TMEFF2: variants seen among roughly 807,000 people sequenced by gnomAD.
The protein encoded by TMEFF2 is transmembrane protein with EGF like and two follistatin like domains 2, also known as tomoregulin-2.
In TMEFF2, 28 loss-of-function variants were observed where a neutral mutation model predicts 53.8. That is an observed-to-expected ratio of 0.52 (90% CI 0.39 to 0.71). TMEFF2 has a LOEUF of 0.71. Among genes scored for constraint, TMEFF2 ranks in the 30% least tolerant of loss-of-function variants. The pLI, the probability that TMEFF2 is intolerant of heterozygous loss-of-function variation, is 0.00. For missense variants in TMEFF2, 353 were observed against 455.2 expected (o/e 0.78, Z 2.04); for synonymous variants, 162 against 166.3 (o/e 0.97, Z 0.20).
intron 4 of TMEFF2, among the ~76,000 whole-genome samples, chr2:192,139,285 A>G (rs1271706094): frequency 6.6e-6 from 1 of 152,244 alleles, no homozygotes; most frequent in Non-Finnish European, 1.5e-5. Flanking sequence ...AGTGATGAAT[A>G]TAATCATCGC....
At chr2:192,045,727 A>G (rs1559100962) in intron 5 of TMEFF2, among the ~76,000 whole-genome samples, 4 of 152,122 alleles carry the variant, frequency 2.6e-5, no homozygotes. Context: ...AGCAGAAACC[A>G]ACACCGAGTC....
chr2:191,950,225 G>A lies in TMEFF2; in HGVS notation c.*86C>T. 2 of 1,580,140 alleles carry A rather than the reference G, an allele frequency of 1.3e-6. No individual in the cohort carries two copies. The highest frequency in any genetic ancestry group is 1.7e-6 in the Non-Finnish European group (2 of 1,163,682). On this transcript the variant is annotated 3_prime_UTR_variant, in exon 10 of 10. Transcript: ENST00000272771. Reference sequence around the variant, plus strand: ...CCACAAATGCAAGGCAACATGTGTAGATCTCTTGTCTTATTCTTTTGTCTA... The same window carrying A: ...CCACAAATGCAAGGCAACATGTGTAAATCTCTTGTCTTATTCTTTTGTCTA...
chr2:192,088,175 G>C (rs929494019), intron 4 of TMEFF2, among the ~76,000 whole-genome samples: 7 of 146,704 alleles, frequency 4.8e-5, no homozygotes, highest in African/African-American at 1.7e-4. Context: ...TTTACCATAA[G>C]CTCATATCAA....
intron 5 of TMEFF2, among the ~76,000 whole-genome samples, chr2:192,028,398 C>T (rs963759186): frequency 3.9e-5 from 6 of 152,022 alleles, no homozygotes; most frequent in African/African-American, 1.4e-4. Context: ...TTTGTTCAAA[C>T]CAGAGCTTGT....
chr2:192,100,064 T>C (rs1689000409), intron 4 of TMEFF2, among the ~76,000 whole-genome samples: 1 of 152,176 alleles, frequency 6.6e-6, no homozygotes, highest in Non-Finnish European at 1.5e-5. Flanking sequence ...AAAATAGCCA[T>C]AAAAATAATT....
intron 8 of TMEFF2, among the ~76,000 whole-genome samples, chr2:191,955,539 T>TTTTTTTTTTTC (rs1692052495): frequency 7.3e-6 from 1 of 137,484 alleles, no homozygotes; most frequent in Non-Finnish European, 1.6e-5. Context: ...TTTTTTTTTT[T>TTTTTTTTTTTC]TTTTTTTTTA....
intron 4 of TMEFF2, among the ~76,000 whole-genome samples, chr2:192,176,550 C>T (rs919093299): frequency 6.6e-6 from 1 of 151,190 alleles, no homozygotes; most frequent in Non-Finnish European, 1.5e-5. Flanking sequence ...GTTGGAAGCA[C>T]AGTAAATGTG....
chr2:192,077,231 A>C (rs771867216), intron 4 of TMEFF2, among the ~76,000 whole-genome samples: 2 of 152,198 alleles, frequency 1.3e-5, no homozygotes, highest in African/African-American at 2.4e-5. Flanking sequence ...AGCTAATTCA[A>C]ACCCTTAAGG....
intron 4 of TMEFF2, among the ~76,000 whole-genome samples, chr2:192,174,880 G>C (rs558937647): frequency 1.3e-3 from 196 of 151,792 alleles, no homozygotes; most frequent in Non-Finnish European, 2.0e-3. Context: ...TGGAGAAGTG[G>C]AAAAGGTATG....
intron 2 of TMEFF2, among the ~76,000 whole-genome samples, chr2:192,190,534 C>G (rs1378092421): frequency 6.6e-6 from 1 of 152,050 alleles, no homozygotes; most frequent in Non-Finnish European, 1.5e-5. Flanking sequence ...TGGCTGCAGA[C>G]CTTAGAAGTT....
chr2:192,083,194 G>A (rs971360724), intron 4 of TMEFF2, among the ~76,000 whole-genome samples: 1 of 152,102 alleles, frequency 6.6e-6, no homozygotes, highest in Non-Finnish European at 1.5e-5. Context: ...AGTGTCCAGG[G>A]AGGAGTAGAA....
chr2:192,140,984 G>T (rs938069110), intron 4 of TMEFF2, among the ~76,000 whole-genome samples: 2 of 152,068 alleles, frequency 1.3e-5, no homozygotes, highest in Non-Finnish European at 2.9e-5. Context: ...CCCTTTCTGG[G>T]TATACAAAAG....
At chr2:191,986,362 T>C (rs911887950) in intron 7 of TMEFF2, among the ~76,000 whole-genome samples, 2 of 152,140 alleles carry the variant, frequency 1.3e-5, no homozygotes, top group Admixed American at 6.5e-5. Context: ...ACCCAAGTTA[T>C]GCAAATACTA....
intron 5 of TMEFF2, among the ~76,000 whole-genome samples, chr2:192,025,092 A>G (rs77709739): frequency 0.013 from 2,013 of 152,272 alleles, 57 homozygotes; most frequent in African/African-American, 0.045. Flanking sequence ...CTAAGTAATG[A>G]TCCGAGGGAA....
chr2:191,963,076 A>G (rs960496079), intron 7 of TMEFF2, among the ~76,000 whole-genome samples: 81 of 152,246 alleles, frequency 5.3e-4, no homozygotes, highest in Non-Finnish European at 2.8e-4. Flanking sequence ...GTAGGAATCT[A>G]TGGTTCATTA....
chr2:192,159,699 A>T (rs1203101645), intron 4 of TMEFF2, among the ~76,000 whole-genome samples: 1 of 152,158 alleles, frequency 6.6e-6, no homozygotes, highest in African/African-American at 2.4e-5. Context: ...GTTCTAGATA[A>T]TTAAACAGTC....
intron 8 of TMEFF2, among the ~76,000 whole-genome samples, chr2:191,954,176 C>T (rs781065543): frequency 6.6e-6 from 1 of 152,076 alleles, no homozygotes; most frequent in Admixed American, 6.6e-5. Context: ...CGTGAGCCAC[C>T]GCGCCCGGCC....
chr2:192,108,150 AT>A (rs1475090930), intron 4 of TMEFF2, among the ~76,000 whole-genome samples: 1 of 151,852 alleles, frequency 6.6e-6, no homozygotes, highest in East Asian at 1.9e-4. Context: ...AGAGCAGGCA[AT>A]TAACTCTGAT....
intron 5 of TMEFF2, among the ~76,000 whole-genome samples, chr2:192,052,624 C>T (rs1687799167): frequency 7.3e-6 from 1 of 137,128 alleles, no homozygotes; most frequent in Non-Finnish European, 1.6e-5. Flanking sequence ...TTATATTTGA[C>T]TTATTTATAA....
Sources: gnomAD v4.1 joint callset for allele counts (sites outside exome capture counted in the v4.1 genomes callset) on GRCh38, gnomAD v4.1.1 for gene constraint, MANE v1.5 for transcripts, NCBI Gene and HGNC (gene_info 2026-07-23, HGNC 2026-07-21) for gene names.